ZNF407: variants seen among roughly 807,000 people sequenced by gnomAD.
ZNF407 encodes the protein zinc finger protein 407.
Under a neutral mutation model 131.2 loss-of-function variants are expected in ZNF407, and 17 were observed. The observed-to-expected ratio is 0.13, with a 90% CI of 0.09 to 0.19. ZNF407 has a LOEUF of 0.19. Among genes scored for constraint, ZNF407 ranks in the 10% least tolerant of loss-of-function variants. The probability of loss-of-function intolerance (pLI) is 1.00; values close to 1 mark genes in which losing one functional copy is unlikely to be tolerated. For synonymous variants in ZNF407, 1,156 were observed against 1,062.0 expected, an observed-to-expected ratio of 1.09 and a Z score of -1.72; for missense variants, 2,681 against 2,830.6, an observed-to-expected ratio of 0.95 and a Z score of 1.20.
intron 8 of ZNF407, among the ~76,000 whole-genome samples, chr18:75,029,721 CTT>C (rs144487777): frequency 2.0e-3 from 310 of 152,350 alleles, no homozygotes; most frequent in African/African-American, 7.1e-3. Flanking sequence ...TAGCATGTGA[CTT>C]ATCACTGGTT....
chr18:75,000,087 C>T (rs183042093), intron 8 of ZNF407, among the ~76,000 whole-genome samples: 1 of 152,274 alleles, frequency 6.6e-6, no homozygotes, highest in East Asian at 1.9e-4. Context: ...AAAGAGTACG[C>T]ATAAATGTAT....
intron 7 of ZNF407, among the ~76,000 whole-genome samples, chr18:74,911,105 T>C (rs747131087): frequency 1.3e-5 from 2 of 152,230 alleles, no homozygotes; most frequent in Non-Finnish European, 2.9e-5. Context: ...TACCTCTAAT[T>C]GTTTTTAGTA....
chr18:74,886,665 G>A (rs1221174557), intron 6 of ZNF407, among the ~76,000 whole-genome samples: 1 of 152,178 alleles, frequency 6.6e-6, no homozygotes, highest in Non-Finnish European at 1.5e-5. Context: ...CATACCATAA[G>A]TATCTAGGTG....
chr18:75,027,213 G>A (rs1369876163), intron 8 of ZNF407, among the ~76,000 whole-genome samples: 2 of 152,176 alleles, frequency 1.3e-5, no homozygotes, highest in African/African-American at 4.8e-5. Flanking sequence ...AGTGAGCTGT[G>A]CGGCACATTC....
intron 4 of ZNF407, among the ~76,000 whole-genome samples, chr18:74,844,922 A>G (rs1970682118): frequency 6.6e-6 from 1 of 152,238 alleles, no homozygotes; most frequent in Non-Finnish European, 1.5e-5. Flanking sequence ...CTAAGGGCAC[A>G]TAGGCATCCA....
At chr18:74,659,328 C>T (rs972768284) in intron 3 of ZNF407, among the ~76,000 whole-genome samples, 4 of 152,074 alleles carry the variant, frequency 2.6e-5, no homozygotes, top group African/African-American at 9.7e-5. Context: ...CTAGTGATTA[C>T]AGAATCTATG....
chr18:75,041,042 G>A (rs1973366491), intron 8 of ZNF407, among the ~76,000 whole-genome samples: 1 of 152,178 alleles, frequency 6.6e-6, no homozygotes, highest in Admixed American at 6.5e-5. Flanking sequence ...ATTGCTACAG[G>A]CCAAGCATGC....
At chr18:74,606,521 G>T (rs7505587) in intron 1 of ZNF407, among the ~76,000 whole-genome samples, 1 of 151,986 alleles carries the variant, frequency 6.6e-6, no homozygotes, top group South Asian at 2.1e-4. Context: ...GGGATTATAG[G>T]TGTGAGCCAC....
intron 8 of ZNF407, among the ~76,000 whole-genome samples, chr18:74,970,605 A>G (rs763161293): frequency 2.0e-5 from 3 of 152,260 alleles, no homozygotes; most frequent in Non-Finnish European, 2.9e-5. Context: ...CATCCAGGTC[A>G]TGCTGATGCA....
chr18:74,670,051 A>G (rs527996880), intron 3 of ZNF407, among the ~76,000 whole-genome samples: 8 of 152,304 alleles, frequency 5.3e-5, no homozygotes, highest in African/African-American at 1.7e-4. Flanking sequence ...GTAGTCTGAC[A>G]TGTAGTCTTT....
intron 3 of ZNF407, among the ~76,000 whole-genome samples, chr18:74,749,133 C>T (rs1461696055): frequency 6.6e-6 from 1 of 152,164 alleles, no homozygotes; most frequent in East Asian, 1.9e-4. Context: ...GCCCACAAAA[C>T]TCTCATTTGT....
rs577083074 is a variant in ZNF407 at position 74,804,011 on chromosome 18, A to G, written c.4877+22509A>G. On this transcript the variant is annotated intron_variant, in intron 4 of 8. Transcript: ENST00000299687. ...ATCGGGACGTTGCCAGGAATACAGAACAACAGGAACGCGTCGAGTGCCTCT... is the reference window on the plus strand; with the variant it reads ...ATCGGGACGTTGCCAGGAATACAGAGCAACAGGAACGCGTCGAGTGCCTCT... 5 of 1,551,826 alleles carry G rather than the reference A, an allele frequency of 3.2e-6. No homozygotes were observed. In the Admixed American group the frequency reaches 9.8e-5, roughly 30 times the overall value.
At chr18:75,036,648 CA>C (rs1346077013) in intron 8 of ZNF407, among the ~76,000 whole-genome samples, 1 of 152,166 alleles carries the variant, frequency 6.6e-6, no homozygotes, top group Non-Finnish European at 1.5e-5. Context: ...CTTAGGCATG[CA>C]ATGTACAAAA....
intron 4 of ZNF407, among the ~76,000 whole-genome samples, chr18:74,791,246 C>T (rs1969820200): frequency 6.6e-6 from 1 of 152,162 alleles, no homozygotes; most frequent in South Asian, 2.1e-4. Context: ...CAGGTTGAAT[C>T]ATATGAACTT....
intron 3 of ZNF407, among the ~76,000 whole-genome samples, chr18:74,688,256 A>G (rs1415073517): frequency 2.6e-5 from 4 of 152,238 alleles, no homozygotes; most frequent in Admixed American, 6.5e-5. Flanking sequence ...GCAAGGTTGA[A>G]TGTTATGCTA....
At chr18:74,674,420 A>G (rs1008442895) in intron 3 of ZNF407, among the ~76,000 whole-genome samples, 3 of 152,146 alleles carry the variant, frequency 2.0e-5, no homozygotes, top group East Asian at 3.9e-4. Flanking sequence ...AAATATATTA[A>G]CACATTACCA....
intron 8 of ZNF407, among the ~76,000 whole-genome samples, chr18:75,052,226 AGT>A: frequency 6.6e-6 from 1 of 152,338 alleles, no homozygotes; most frequent in East Asian, 1.9e-4. Flanking sequence ...AAGCATATAA[AGT>A]GTTTAAATTT....
At chr18:74,915,763 AGT>A (rs1320368448) in intron 7 of ZNF407, among the ~76,000 whole-genome samples, 1 of 32,682 alleles carries the variant, frequency 3.1e-5, no homozygotes, top group African/African-American at 1.2e-4. Flanking sequence ...TCGAATCGGG[AGT>A]GTGTGTGTGT....
At chr18:74,658,375 C>T (rs1985569479) in intron 3 of ZNF407, among the ~76,000 whole-genome samples, 1 of 152,114 alleles carries the variant, frequency 6.6e-6, no homozygotes, top group Admixed American at 6.5e-5. Flanking sequence ...CCTCGGCCTC[C>T]CAAAGTGTGG....
Sources: gnomAD v4.1 joint callset for allele counts (sites outside exome capture counted in the v4.1 genomes callset) on GRCh38, gnomAD v4.1.1 for gene constraint, MANE v1.5 for transcripts, NCBI Gene and HGNC (gene_info 2026-07-23, HGNC 2026-07-21) for gene names.